MKKS: variants seen among roughly 807,000 people sequenced by gnomAD.
MKKS encodes the protein MKKS centrosomal shuttling protein, also known as molecular chaperone MKKS.
Under a neutral mutation model 33.2 loss-of-function variants are expected in MKKS, and 29 were observed. That is an observed-to-expected ratio of 0.87 (90% confidence interval 0.65 to 1.19). MKKS has a LOEUF of 1.19. MKKS is among the 50% of genes most tolerant of loss of function. The pLI is 0.00. For synonymous variants in MKKS, 260 were observed against 244.0 expected (o/e 1.07, Z -0.61); for missense variants, 661 against 662.3 (o/e 1.00, Z 0.02).
rs545481184 is a variant in MKKS, at chr20:10,408,692, T to C, written c.1097A>G (p.Asn366Ser). Reference protein sequence around the residue: ...GSKHFFHLIPNEATICSLLLC... With the variant: ...GSKHFFHLIPSEATICSLLLC... ...AAGCAAGCTGCAGATTGTTGCTTCATTAGGAATAAGATGAAAAAAATGTTT... is the reference window on the plus strand; with the variant it reads ...AAGCAAGCTGCAGATTGTTGCTTCACTAGGAATAAGATGAAAAAAATGTTT... Residue 366 changes from asparagine to serine, a missense_variant, in exon 4 of 6, where the codon AAT (asparagine) becomes AGT (serine). Coordinates refer to ENST00000347364, the MANE Select transcript of MKKS (RefSeq NM_170784.3). 1.2e-6 allele frequency: 2 copies of C among 1,614,104 alleles called. No homozygotes were observed. Among genetic ancestry groups the C allele is most frequent in the Admixed American group, 3.3e-5 (2 of 60,024 alleles).
intron 1 of MKKS, among the ~76,000 whole-genome samples, chr20:10,432,994 T>C (rs1016475162): frequency 3.3e-5 from 5 of 152,162 alleles, no homozygotes; most frequent in African/African-American, 9.6e-5. Context: ...CCATCTTTTT[T>C]CCCCCAGAAT....
chr20:10,415,637 TA>T (rs1362530191), intron 2 of MKKS, among the ~76,000 whole-genome samples: 1 of 152,252 alleles, frequency 6.6e-6, no homozygotes, highest in African/African-American at 2.4e-5. Context: ...GAAATACATT[TA>T]AATGAAACCT....
At chr20:10,425,300 A>G (rs1007779472) in intron 1 of MKKS, among the ~76,000 whole-genome samples, 7 of 152,192 alleles carry the variant, frequency 4.6e-5, no homozygotes, top group African/African-American at 1.4e-4. Flanking sequence ...GCGATATCCT[A>G]ATTTGACCAA....
intron 1 of MKKS, among the ~76,000 whole-genome samples, chr20:10,429,371 T>C (rs1260839629): frequency 3.9e-5 from 6 of 152,208 alleles, no homozygotes; most frequent in Non-Finnish European, 1.5e-5. Flanking sequence ...CTGTCTTTGG[T>C]AGTGTTTGTT....
intron 2 of MKKS, among the ~76,000 whole-genome samples, chr20:10,417,399 C>T (rs1250574594): frequency 6.6e-6 from 1 of 152,068 alleles, no homozygotes; most frequent in Non-Finnish European, 1.5e-5. Flanking sequence ...TTGCTTGAGG[C>T]CAGAAATTTG....
At chr20:10,432,788 T>TAAAAA (rs2065063025) in intron 1 of MKKS, among the ~76,000 whole-genome samples, 2 of 16,326 alleles carry the variant, frequency 1.2e-4, no homozygotes, top group Non-Finnish European at 3.9e-4. Context: ...AGACTCTTTG[T>TAAAAA]CAAAAAAAAA....
At chr20:10,424,846 G>A (rs2065004597) in intron 1 of MKKS, among the ~76,000 whole-genome samples, 1 of 152,126 alleles carries the variant, frequency 6.6e-6, no homozygotes, top group Non-Finnish European at 1.5e-5. Context: ...GAGGTCAGGA[G>A]TTTGAGACCA....
intron 2 of MKKS, among the ~76,000 whole-genome samples, chr20:10,419,562 T>C (rs1568669828): frequency 6.6e-6 from 1 of 152,190 alleles, no homozygotes; most frequent in Non-Finnish European, 1.5e-5. Flanking sequence ...AAACCCTATA[T>C]ATACTATGTT....
At chr20:10,426,828 T>C (rs749540344) in intron 1 of MKKS, among the ~76,000 whole-genome samples, 34 of 151,912 alleles carry the variant, frequency 2.2e-4, no homozygotes, top group Non-Finnish European at 4.7e-4. Context: ...GGCAAAAGAG[T>C]CTATATCCTC....
chr20:10,413,468 G>T lies in MKKS; in HGVS notation c.47C>A (p.Pro16Gln). Residue 16 changes from proline (P) to glutamine (Q), a missense_variant, in exon 3 of 6, where the codon CCA (proline) becomes CAA (glutamine). Coordinates refer to ENST00000347364, the MANE Select transcript of MKKS (RefSeq NM_170784.3). ...GGTCCTGACTCTCTCAGTTGTCAGTGGTTCACTCTTACACAATGATGGCTT... is the reference window on the plus strand; with the variant it reads ...GGTCCTGACTCTCTCAGTTGTCAGTTGTTCACTCTTACACAATGATGGCTT... ...AKKPSLCKSE[P>Q]LTTERVRTTL... 1 of 1,614,122 alleles carries T rather than the reference G, an allele frequency of 6.2e-7. No homozygotes were observed. The highest frequency in any genetic ancestry group is 8.5e-7 in the Non-Finnish European group (1 of 1,179,990).
chr20:10,424,334 C>T (rs866772070), intron 1 of MKKS, among the ~76,000 whole-genome samples: 1 of 151,996 alleles, frequency 6.6e-6, no homozygotes, highest in African/African-American at 2.4e-5. Context: ...GGCAGGGGGA[C>T]TGCTTGAGCC....
chr20:10,427,010 G>T (rs2065018484), intron 1 of MKKS, among the ~76,000 whole-genome samples: 1 of 114,776 alleles, frequency 8.7e-6, no homozygotes, highest in East Asian at 2.5e-4. Context: ...TAGCTTAAAG[G>T]CCAAGAAAAG....
At chr20:10,421,619 G>A (rs982199058) in intron 1 of MKKS, among the ~76,000 whole-genome samples, 1 of 152,054 alleles carries the variant, frequency 6.6e-6, no homozygotes, top group Non-Finnish European at 1.5e-5. Flanking sequence ...CAGAATGAAT[G>A]TAATGCCATT....
chr20:10,415,042 A>T (rs1233656481), intron 2 of MKKS, among the ~76,000 whole-genome samples: 1 of 152,230 alleles, frequency 6.6e-6, no homozygotes, highest in Admixed American at 6.5e-5. Flanking sequence ...AATGTTATAT[A>T]TCAAAAGGAC....
chr20:10,428,931 G>A (rs761075120), intron 1 of MKKS, among the ~76,000 whole-genome samples: 23 of 152,088 alleles, frequency 1.5e-4, no homozygotes, highest in Non-Finnish European at 2.9e-4. Context: ...ACTTTCTACT[G>A]TGTCTTTGGG....
At chr20:10,408,886 C>T in intron 3 of MKKS, 83 bp from the exon 4 acceptor site, 1 of 1,058,192 alleles carries the variant, frequency 9.5e-7, no homozygotes, top group Non-Finnish European at 1.4e-6. Flanking sequence ...TATTCCTAGC[C>T]AACATAAAAG....
chr20:10,414,740 C>T (rs145068741), intron 2 of MKKS, among the ~76,000 whole-genome samples: 82 of 152,260 alleles, frequency 5.4e-4, no homozygotes, highest in African/African-American at 1.8e-3. Flanking sequence ...GTTGGCATGT[C>T]TACTGCAGGA....
chr20:10,416,396 C>T (rs745705180), intron 2 of MKKS, among the ~76,000 whole-genome samples: 6 of 152,050 alleles, frequency 3.9e-5, no homozygotes, highest in Non-Finnish European at 5.9e-5. Context: ...TTAAAGACTA[C>T]GTGGGTCATA....
At chr20:10,414,903 A>G (rs1298404930) in intron 2 of MKKS, among the ~76,000 whole-genome samples, 1 of 152,208 alleles carries the variant, frequency 6.6e-6, no homozygotes, top group Admixed American at 6.5e-5. Flanking sequence ...TGGAAATCCT[A>G]GTCAACGAAT....
Sources: allele counts gnomAD v4.1 joint callset (sites outside exome capture counted in the v4.1 genomes callset), GRCh38; gene constraint gnomAD v4.1.1; transcripts MANE v1.5; gene names NCBI Gene and HGNC (gene_info 2026-07-23, HGNC 2026-07-21).